Variants in CDADC1 observed in about 807,000 individuals in gnomAD.
CDADC1 encodes cytidine and dCMP deaminase domain containing 1, also known as dCTP deaminase.
CDADC1 carries 39 observed loss-of-function variants against 54.9 expected under a neutral mutation model. The observed-to-expected ratio is 0.71, with a 90% confidence interval of 0.55 to 0.93. The LOEUF is 0.93. Among genes scored for constraint, CDADC1 ranks in the 40% least tolerant of loss-of-function variants. The probability of loss-of-function intolerance (pLI) is 0.00; values close to 1 mark genes in which losing one functional copy is unlikely to be tolerated. For synonymous variants in CDADC1, 186 were observed against 204.0 expected (o/e 0.91, Z 0.75); for missense variants, 518 against 618.8 (o/e 0.84, Z 1.73).
rs768886844 is a variant in CDADC1 at position 49,280,747 on chromosome 13, G to A, written c.1410+49G>A. 7 of 1,088,964 alleles carry A rather than the reference G, an allele frequency of 6.4e-6. No homozygotes were observed. In the Admixed American group the frequency reaches 8.2e-5, roughly 13 times the overall value. The allele number at this position is 1,088,964 out of a possible 1,614,324, so 67.5% of individuals were successfully genotyped here. A position where few individuals can be genotyped will look rare whatever the true frequency, so the allele number is the denominator to read the frequency against. Reference sequence around the variant, plus strand: ...AGGTGTATTTTGTATTATGTTGTTAGGTACCCTGCTGCAATATTGTAAGTT... The same window carrying A: ...AGGTGTATTTTGTATTATGTTGTTAAGTACCCTGCTGCAATATTGTAAGTT... On this transcript the variant is annotated intron_variant, in intron 8 of 9. Transcript: ENST00000251108.
chr13:49,290,189 G>A (rs554720375), intron 9 of CDADC1, among the ~76,000 whole-genome samples: 4 of 152,046 alleles, frequency 2.6e-5, no homozygotes, highest in East Asian at 1.9e-4. Context: ...GGGATGGGAC[G>A]AGAGAGGGAG....
chr13:49,282,245 T>G (rs1353542223), intron 8 of CDADC1, among the ~76,000 whole-genome samples: 8 of 146,200 alleles, frequency 5.5e-5, no homozygotes, highest in Non-Finnish European at 1.2e-4. Context: ...GGTTTTTTTT[T>G]TTTTTTTTTT....
At chr13:49,251,041 TTTTTG>T (rs903808067) in intron 2 of CDADC1, among the ~76,000 whole-genome samples, 4 of 152,194 alleles carry the variant, frequency 2.6e-5, no homozygotes, top group South Asian at 2.1e-4. Flanking sequence ...TGTTGTGTTT[TTTTTG>T]TTTTGTTTTG....
rs769130169 is a variant in CDADC1, at chr13:49,286,215, CTT to C, written c.1411-6_1411-5del. 6.2e-7 allele frequency: 1 copy of C among 1,611,014 alleles called. No homozygotes were observed. The highest frequency in any genetic ancestry group is 8.5e-7 in the Non-Finnish European group (1 of 1,177,264). On this transcript the variant is annotated splice_polypyrimidine_tract_variant and splice_region_variant and intron_variant, in intron 8 of 9. Coordinates refer to ENST00000251108, the MANE Select transcript of CDADC1 (RefSeq NM_030911.4). ...TAAACAAGTAAAATGTTTGTGCACT[CTT>C]ACAGTGGCAGCTGAATCCATCAGGA... is the stretch of plus-strand genomic sequence containing the variant.
chr13:49,283,742 C>T (rs534799446), intron 8 of CDADC1, among the ~76,000 whole-genome samples: 1 of 152,286 alleles, frequency 6.6e-6, no homozygotes, highest in African/African-American at 2.4e-5. Context: ...GCCAGACCCT[C>T]CCGGAAATAC....
Position 49,280,688 on chromosome 13 carries a change from G to T in CDADC1, c.1400G>T (p.Ser467Ile). 6.4e-7 allele frequency: 1 copy of T among 1,572,290 alleles called. No individual in the cohort carries two copies. The highest frequency in any genetic ancestry group is 8.6e-7 in the Non-Finnish European group (1 of 1,162,572). The stretch of plus-strand genomic sequence containing the variant: ...AGGTTCGGGGAGCTTGAAGGTGTTA[G>T]CAAATTTACGGTAAGTAGATACACA... Reference protein sequence around the residue: ...YMRFGELEGVSKFTWQLNPSG... With the variant: ...YMRFGELEGVIKFTWQLNPSG... Residue 467 changes from serine (S) to isoleucine (I), a missense_variant, in exon 8 of 10, where the codon AGC becomes ATC. By Grantham distance (142) the Ser-to-Ile change is moderately radical (BLOSUM62 -2). Transcript: ENST00000251108.
chr13:49,268,070 T>C lies in CDADC1; in HGVS notation c.1000+11T>C, dbSNP rs201569621. 1.3e-6 allele frequency: 2 copies of C among 1,592,386 alleles called. No homozygotes were observed. The highest frequency in any genetic ancestry group is 1.3e-5 in the African/African-American group (1 of 74,592). ...TGGCATATCGAACTGGTGAGTTACATAGATCGTAAATTGGGGCTGATTGGT... is the reference window on the plus strand; with the variant it reads ...TGGCATATCGAACTGGTGAGTTACACAGATCGTAAATTGGGGCTGATTGGT... On this transcript the variant is annotated intron_variant, in intron 5 of 9. Transcript: ENST00000251108.
intron 2 of CDADC1, among the ~76,000 whole-genome samples, chr13:49,254,178 G>A (rs1018429902): frequency 1.2e-4 from 19 of 152,046 alleles, no homozygotes; most frequent in African/African-American, 4.1e-4. Flanking sequence ...ACCACTACTA[G>A]CACCCACATC....
intron 6 of CDADC1, 31 bp downstream of exon 6, chr13:49,274,371 A>C: frequency 6.3e-7 from 1 of 1,577,236 alleles, no homozygotes; most frequent in Non-Finnish European, 8.7e-7. Context: ...TTAAATATTT[A>C]ACCTGGATTT....
intron 4 of CDADC1, chr13:49,265,751 G>T: frequency 1.6e-6 from 1 of 617,014 alleles, no homozygotes; most frequent in Non-Finnish European, 2.3e-6. Flanking sequence ...AAAGCTTTTT[G>T]GAGTCCTCAA....
intron 2 of CDADC1, among the ~76,000 whole-genome samples, chr13:49,250,464 T>C (rs1952401070): frequency 6.6e-6 from 1 of 151,932 alleles, no homozygotes; most frequent in African/African-American, 2.4e-5. Flanking sequence ...TATGGGGAAG[T>C]GAAGGAAGGA....
chr13:49,278,323 T>C, intron 6 of CDADC1, 27 bp from the exon 7 acceptor site: 1 of 1,466,086 alleles, frequency 6.8e-7, no homozygotes. Flanking sequence ...ATGTTGAAAC[T>C]AACCATTGGT....
At chr13:49,275,215 A>G (rs1953073932) in intron 6 of CDADC1, among the ~76,000 whole-genome samples, 1 of 151,292 alleles carries the variant, frequency 6.6e-6, no homozygotes, top group African/African-American at 2.4e-5. Flanking sequence ...CCTCTTGAAT[A>G]GCTGGGACTA....
chr13:49,291,010 A>G (rs1953688393), intron 9 of CDADC1, among the ~76,000 whole-genome samples: 1 of 152,148 alleles, frequency 6.6e-6, no homozygotes, highest in Admixed American at 6.5e-5. Context: ...TCTTCCTTCC[A>G]GTCCCCAGAT....
Position 49,248,073 on chromosome 13 carries a change from C to T in CDADC1, c.36C>T (p.Ser12=). 6.4e-7 allele frequency: 1 copy of T among 1,553,832 alleles called. No individual in the cohort carries two copies. The change falls in exon 1 of 10, where the codon AGC becomes AGT. Residue 12 remains serine (S), a synonymous_variant. Transcript: ENST00000251108. ...CTGGGCAGATGCAAAATCTGGAGAG[C>T]GCGAGGGCCGGGCGGTCAGTCAGCA... ...KEAGQMQNLE[S]ARAGRSVSTQ... is the part of the protein sequence containing the mutation.
At chr13:49,291,332 T>TAA (rs202063755) in intron 9 of CDADC1, among the ~76,000 whole-genome samples, 3 of 105,350 alleles carry the variant, frequency 2.8e-5, no homozygotes, top group Non-Finnish European at 4.5e-5. Context: ...AACACCTGTT[T>TAA]AAAAAAAAAA....
intron 3 of CDADC1, among the ~76,000 whole-genome samples, chr13:49,258,521 A>G (rs1024180150): frequency 3.9e-5 from 6 of 152,336 alleles, no homozygotes; most frequent in Admixed American, 2.6e-4. Flanking sequence ...TTTAGGTTCA[A>G]TAGTAACACA....
chr13:49,274,332 G>A lies in CDADC1; in HGVS notation c.1042G>A (p.Gly348Arg). 6.2e-7 allele frequency: 1 copy of A among 1,610,672 alleles called. No homozygotes were observed. The highest frequency in any genetic ancestry group is 8.5e-7 in the Non-Finnish European group (1 of 1,177,312). The part of the protein sequence containing the change: ...TGVGAVIWAE[G>R]KSRSCDGTGA... ...AGTTGGGGCAGTCATTTGGGCAGAA[G>A]GGAAATCTGTAAGTATGAAAACAAT... The change falls in exon 6 of 10, where the codon GGG becomes AGG. Residue 348 changes from glycine to arginine, a missense_variant. By Grantham distance (125) the Gly-to-Arg change is moderately radical. Coordinates refer to ENST00000251108, the MANE Select transcript of CDADC1 (RefSeq NM_030911.4).
intron 4 of CDADC1, among the ~76,000 whole-genome samples, chr13:49,260,505 TCTC>T (rs1221153914): frequency 1.3e-5 from 2 of 152,190 alleles, no homozygotes; most frequent in Non-Finnish European, 2.9e-5. Flanking sequence ...TCATTTCTGT[TCTC>T]ATCCATTGTG....
Sources: allele counts gnomAD v4.1 joint callset (sites outside exome capture counted in the v4.1 genomes callset), GRCh38; gene constraint gnomAD v4.1.1; transcripts MANE v1.5; gene names NCBI Gene and HGNC (gene_info 2026-07-23, HGNC 2026-07-21).